The following SCLY variants were observed in gnomAD, a reference collection of about 807,000 sequenced individuals.
SCLY encodes the protein selenocysteine lyase.
A neutral mutation model predicts 50.1 loss-of-function variants in SCLY; 38 were observed. The ratio of observed to expected loss-of-function variants is 0.76; its 90% CI spans 0.59 to 0.99. The LOEUF (loss-of-function observed/expected upper bound fraction) is 0.99, where lower values mean the gene tolerates loss of function less well. Among genes scored for constraint, SCLY ranks in the 50% least tolerant of loss-of-function variants. The pLI is 0.00. For synonymous variants in SCLY, 243 were observed against 249.4 expected, an observed-to-expected ratio of 0.97 and a Z score of 0.24; for missense variants, 600 against 620.0, an observed-to-expected ratio of 0.97 and a Z score of 0.34.
chr2:238,064,708 C>A, intron 2 of SCLY: 1 of 295,212 alleles, frequency 3.4e-6, no homozygotes, highest in Non-Finnish European at 6.4e-6. Flanking sequence ...GTCCTGTCAC[C>A]CTTTCCCAGA....
In SCLY at chr2:238,098,591, AGGACCGCCCACATAGGACCGCCCACATG is replaced by A. The variant is rs1362370189; in HGVS notation, c.*250_*277del. 252 of 311,654 alleles carry A rather than the reference AGGACCGCCCACATAGGACCGCCCACATG, an allele frequency of 8.1e-4. 21 individuals are homozygous for A. Among genetic ancestry groups the A allele is most frequent in the South Asian group, 3.8e-3 (40 of 10,536 alleles). The allele number at this position is 311,654 out of a possible 1,614,324, so 19.3% of individuals were successfully genotyped here. A position where few individuals can be genotyped will look rare whatever the true frequency, so the allele number is the denominator to read the frequency against. ...ACTGCCCACATGGGACCGCCCACATAGGACCGCCCACATAGGACCGCCCACATGGGACCGCCCACATGGGACCGCCCAC... is the reference window on the plus strand; with the variant it reads ...ACTGCCCACATGGGACCGCCCACATAGGACCGCCCACATGGGACCGCCCAC... On this transcript the variant is annotated 3_prime_UTR_variant, in exon 12 of 12. Transcript: ENST00000254663.
At position 238,069,162 on chromosome 2, in the gene SCLY, T is replaced by C; in HGVS notation, c.304-135T>C. ...GGAAAACCCCAAATCTTTCAAAAGG[T>C]CCCACTCAGGAAGTTGAATTTCTTT... On this transcript the variant is annotated intron_variant, in intron 3 of 11. Transcript: ENST00000254663. This position sits in a 1 kb window ranked among gnomAD's most constrained non-coding sequence, Gnocchi z 5.0. 1.4e-6 allele frequency: 1 copy of C among 726,124 alleles called. No homozygotes were observed. The highest frequency in any genetic ancestry group is 2.2e-6 in the Non-Finnish European group (1 of 445,628). 45.0% of individuals were successfully genotyped at this position (726,124 alleles called of 1,614,324 possible).
At chr2:238,093,780 C>T in intron 8 of SCLY, 81 bp from the exon 9 acceptor site, 1 of 1,292,574 alleles carries the variant, frequency 7.7e-7, no homozygotes, top group Non-Finnish European at 1.1e-6. Context: ...TCAGGAAATG[C>T]CACCTGTACC....
chr2:238,069,577 T>C lies in SCLY; in HGVS notation c.484+100T>C, dbSNP rs1239166821. On this transcript the variant is annotated intron_variant, in intron 4 of 11. Transcript: ENST00000254663. This position sits in a 1 kb window ranked among gnomAD's most constrained non-coding sequence, Gnocchi z 5.0. ...GAGCCCGGGATCCGCTGCAGAGATG[T>C]AGATTCAGTGTGCCACTCACTGTAA... 1 of 1,106,604 alleles carries C rather than the reference T, an allele frequency of 9.0e-7. No homozygotes were observed. Among genetic ancestry groups the C allele is most frequent in the Non-Finnish European group, 1.3e-6 (1 of 790,042 alleles). 68.5% of individuals were successfully genotyped at this position (1,106,604 alleles called of 1,614,324 possible). A position where few individuals can be genotyped will look rare whatever the true frequency, so the allele number is the denominator to read the frequency against.
At position 238,082,256 on chromosome 2, in the gene SCLY, C is replaced by G. The variant is rs1192734906; in HGVS notation, c.777+47C>G. 4 of 1,525,388 alleles carry G rather than the reference C, an allele frequency of 2.6e-6. No homozygotes were observed. In the Admixed American group the frequency reaches 6.0e-5, roughly 23 times the overall value. 94.5% of individuals were successfully genotyped at this position (1,525,388 alleles called of 1,614,324 possible). ...GCCTCTGTGGGCAGAGCCTACTGCG[C>G]AGGTGGCTGTTTACTCCTCGGTCCG... On this transcript the variant is annotated intron_variant, in intron 6 of 11. Coordinates refer to ENST00000254663, the MANE Select transcript of SCLY (RefSeq NM_016510.7).
At position 238,061,134 on chromosome 2, in the gene SCLY, C is replaced by T. The variant is rs1454944192; in HGVS notation, c.80C>T (p.Ser27Leu). The T allele has an allele frequency of 1.4e-6, 2 of 1,478,074 alleles. No homozygotes were observed. Among genetic ancestry groups the T allele is most frequent in the Non-Finnish European group, 1.8e-6 (2 of 1,119,874 alleles). The allele number at this position is 1,478,074 out of a possible 1,614,324, so 91.6% of individuals were successfully genotyped here. A position where few individuals can be genotyped will look rare whatever the true frequency, so the allele number is the denominator to read the frequency against. The change falls in exon 1 of 12, where the codon TCG becomes TTG. Residue 27 changes from serine to leucine, a missense_variant. Transcript: ENST00000254663. The part of the protein sequence containing the change: ...SQPSGCGKHN[S>L]PERKVYMDYN... Reference sequence around the variant, plus strand: ...CCCAGCGGCTGCGGGAAACACAACTCGCCGGAGAGGTGCGCGCCTTTAGGG... The same window carrying T: ...CCCAGCGGCTGCGGGAAACACAACTTGCCGGAGAGGTGCGCGCCTTTAGGG...
chr2:238,068,932 T>A (rs1241194005), intron 3 of SCLY, among the ~76,000 whole-genome samples: 1 of 152,234 alleles, frequency 6.6e-6, no homozygotes, highest in African/African-American at 2.4e-5. Flanking sequence ...GTAGAGGTTG[T>A]ACCAATTTAT....
In SCLY at chr2:238,061,073, C is replaced by G. The variant is rs2065011556; in HGVS notation, c.19C>G (p.Pro7Ala). ...GGCGGGGATGGAGGCGGCCGTGGCG[C>G]CGGGGAGGGATGCGCCGGCACCCGC... is the stretch of plus-strand genomic sequence containing the variant. MEAAVA[P>A]GRDAPAPAAS... The change falls in exon 1 of 12, where the codon CCG becomes GCG. Residue 7 changes from proline (P) to alanine (A), a missense_variant. Coordinates refer to ENST00000254663, the MANE Select transcript of SCLY (RefSeq NM_016510.7). 2.2e-6 allele frequency: 3 copies of G among 1,393,038 alleles called. No homozygotes were observed. The highest frequency in any genetic ancestry group is 3.2e-5 in the South Asian group (2 of 62,776). 86.3% of individuals were successfully genotyped at this position (1,393,038 alleles called of 1,614,324 possible).
rs765523812 is a variant in SCLY, at chr2:238,082,093, G to A, written c.661G>A (p.Val221Met). 2.5e-6 allele frequency: 4 copies of A among 1,613,696 alleles called. No homozygotes were observed. In the African/African-American group the frequency reaches 4.0e-5, roughly 16 times the overall value. Residue 221 changes from valine to methionine, a missense_variant, in exon 6 of 12, where the codon GTG becomes ATG. Transcript: ENST00000254663. ...QRIKALNQER[V>M]AAGLPPILVH... ...CATTAAAGCCCTGAACCAGGAACGGGTGGCAGCTGGGCTACCTCCCATCCT... is the reference window on the plus strand; with the variant it reads ...CATTAAAGCCCTGAACCAGGAACGGATGGCAGCTGGGCTACCTCCCATCCT...
intron 4 of SCLY, among the ~76,000 whole-genome samples, chr2:238,072,165 GCTT>G (rs1463649464): frequency 6.6e-6 from 1 of 151,832 alleles, no homozygotes; most frequent in Non-Finnish European, 1.5e-5. Context: ...TTTTTGACGG[GCTT>G]CTTCCATTTA....
chr2:238,078,152 C>T (rs2065193047), intron 4 of SCLY, among the ~76,000 whole-genome samples: 1 of 152,124 alleles, frequency 6.6e-6, no homozygotes. Flanking sequence ...CGGGGTTTCA[C>T]CATGTTGGCC....
intron 4 of SCLY, among the ~76,000 whole-genome samples, chr2:238,071,004 A>G (rs1347229730): frequency 6.6e-6 from 1 of 151,754 alleles, no homozygotes; most frequent in African/African-American, 2.4e-5. Flanking sequence ...GCTGATTTTT[A>G]TATTTTTAAG....
rs952088168 is a variant in SCLY at position 238,066,880 on chromosome 2, G to A, written c.203-1185G>A. Among the ~76,000 whole-genome samples, 35 of 152,202 alleles carry A rather than the reference G, an allele frequency of 2.3e-4. No homozygotes were observed. The highest frequency in any genetic ancestry group is 7.7e-4 in the African/African-American group (32 of 41,446). On this transcript the variant is annotated intron_variant, in intron 2 of 11. Transcript: ENST00000254663. This position sits in a 1 kb window ranked among gnomAD's most constrained non-coding sequence, Gnocchi z 4.1. ...AATCACGGAGGAAGGCGAAAGAGGA[G>A]CAAAGTCACATCTTACATGGCAGCA...
In SCLY at chr2:238,061,014, C is replaced by G. The variant is rs879880620; in HGVS notation, c.-41C>G. The G allele has an allele frequency of 3.2e-5, 43 of 1,342,382 alleles. No homozygotes were observed. The highest frequency in any genetic ancestry group is 4.0e-5 in the Non-Finnish European group (42 of 1,048,660). The allele number at this position is 1,342,382 out of a possible 1,614,324, so 83.2% of individuals were successfully genotyped here. A position where few individuals can be genotyped will look rare whatever the true frequency, so the allele number is the denominator to read the frequency against. ...CCGGCGCTCTGGGCCCGTAGCGCTCCGCGGGAAGGAGGCTGGATGCCCGGC... is the reference window on the plus strand; with the variant it reads ...CCGGCGCTCTGGGCCCGTAGCGCTCGGCGGGAAGGAGGCTGGATGCCCGGC... On this transcript the variant is annotated 5_prime_UTR_variant, in exon 1 of 12. Transcript: ENST00000254663.
intron 4 of SCLY, among the ~76,000 whole-genome samples, chr2:238,071,395 T>C (rs2065125988): frequency 6.6e-6 from 1 of 151,990 alleles, no homozygotes; most frequent in Non-Finnish European, 1.5e-5. Flanking sequence ...TCACTTGAGG[T>C]CAGGAATTTG....
Position 238,083,465 on chromosome 2 carries a change from C to A in SCLY, c.884+111C>A. On this transcript the variant is annotated intron_variant, in intron 7 of 11. Transcript: ENST00000254663. This position sits in a 1 kb window ranked among gnomAD's most constrained non-coding sequence, Gnocchi z 4.3. Reference sequence around the variant, plus strand: ...TCTTGGTCTCGTGGAGGCTCTGTAGCATGTCCACACTGCTGCTGTGTCAGA... The same window carrying A: ...TCTTGGTCTCGTGGAGGCTCTGTAGAATGTCCACACTGCTGCTGTGTCAGA... 1.3e-6 allele frequency: 1 copy of A among 773,602 alleles called. No homozygotes were observed. Among genetic ancestry groups the A allele is most frequent in the Non-Finnish European group, 2.3e-6 (1 of 440,572 alleles). 47.9% of individuals were successfully genotyped at this position (773,602 alleles called of 1,614,324 possible). A position where few individuals can be genotyped will look rare whatever the true frequency, so the allele number is the denominator to read the frequency against.
At chr2:238,076,716 AT>A (rs1350819161) in intron 4 of SCLY, among the ~76,000 whole-genome samples, 2,290 of 49,398 alleles carry the variant, frequency 0.046, 40 homozygotes, top group African/African-American at 0.15. Context: ...CAATAAAAAA[AT>A]AAATTAAAAA....
intron 8 of SCLY, 120 bp from the exon 9 acceptor site, chr2:238,093,740 TG>T (rs2065393999): frequency 3.3e-6 from 3 of 909,970 alleles, no homozygotes; most frequent in Non-Finnish European, 5.2e-6. Flanking sequence ...AAATATGGTC[TG>T]TCTGTGACTG....
chr2:238,083,445 G>A lies in SCLY; in HGVS notation c.884+91G>A. On this transcript the variant is annotated intron_variant, in intron 7 of 11. Coordinates refer to ENST00000254663, the MANE Select transcript of SCLY (RefSeq NM_016510.7). This position sits in a 1 kb window ranked among gnomAD's most constrained non-coding sequence, Gnocchi z 4.3. ...TAAAGAAACATGGCGCTGTTTCTTG[G>A]TCTCGTGGAGGCTCTGTAGCATGTC... 1 of 955,582 alleles carries A rather than the reference G, an allele frequency of 1.0e-6. No homozygotes were observed. The highest frequency in any genetic ancestry group is 2.4e-5 in the East Asian group (1 of 41,534). The allele number at this position is 955,582 out of a possible 1,614,324, so 59.2% of individuals were successfully genotyped here. A position where few individuals can be genotyped will look rare whatever the true frequency, so the allele number is the denominator to read the frequency against.
Sources: allele counts gnomAD v4.1 joint callset (sites outside exome capture counted in the v4.1 genomes callset), GRCh38; gene constraint gnomAD v4.1.1; non-coding constraint Gnocchi (gnomAD v3.1); transcripts MANE v1.5; gene names NCBI Gene and HGNC (gene_info 2026-07-23, HGNC 2026-07-21).